The following ADAM22 variants were observed in gnomAD, a reference collection of about 807,000 sequenced individuals.
ADAM22 encodes the protein ADAM metallopeptidase domain 22.
In ADAM22, 65 loss-of-function variants were observed where a neutral mutation model predicts 144.6. The ratio of observed to expected loss-of-function variants is 0.45; its 90% confidence interval spans 0.37 to 0.55. The LOEUF (loss-of-function observed/expected upper bound fraction) is 0.55. Among genes scored for constraint, ADAM22 ranks in the 20% least tolerant of loss-of-function variants. The pLI, the probability that ADAM22 is intolerant of heterozygous loss-of-function variation, is 0.00. For synonymous variants in ADAM22, 391 were observed against 412.6 expected (o/e 0.95, Z 0.63); for missense variants, 974 against 1,184.9 (o/e 0.82, Z 2.61).
Position 87,982,701 on chromosome 7 carries a change from T to TATATATATATAAAA in ADAM22, c.323+4289_323+4290insATATATATATAAAA, listed in dbSNP as rs1554373733. On this transcript the variant is annotated intron_variant, in intron 3 of 31. Coordinates refer to ENST00000413139, the MANE Select transcript of ADAM22 (RefSeq NM_001324418.2). Reference sequence around the variant, plus strand: ...TATATATATATATATATATATATAATTTTTTTTTTTGAGATACAGTTTTGC... The same window carrying TATATATATATAAAA: ...TATATATATATATATATATATATAATATATATATATAAAATTTTTTTTTTGAGATACAGTTTTGC... Among the ~76,000 whole-genome samples the TATATATATATAAAA allele has an allele frequency of 1.4e-3, 47 of 33,778 alleles. 2 individuals carry two copies. Among genetic ancestry groups the TATATATATATAAAA allele is most frequent in the African/African-American group, 6.0e-3 (46 of 7,686 alleles). The allele number at this position is 33,778 out of a possible 152,430, so 22.2% of individuals were successfully genotyped here.
chr7:88,163,221 T>C lies in ADAM22; in HGVS notation c.2076+41T>C, dbSNP rs201009846. On this transcript the variant is annotated intron_variant, in intron 23 of 31. Coordinates refer to ENST00000413139, the MANE Select transcript of ADAM22 (RefSeq NM_001324418.2). ...CTTGTCAGAATCTATTTCTTTTATATCACAGAAATAGACAGGACCCTAAAC... is the reference window on the plus strand; with the variant it reads ...CTTGTCAGAATCTATTTCTTTTATACCACAGAAATAGACAGGACCCTAAAC... 3.0e-4 allele frequency: 451 copies of C among 1,514,182 alleles called. 1 individual carries two copies. The highest frequency in any genetic ancestry group is 1.3e-3 in the Middle Eastern group (7 of 5,516). The allele number at this position is 1,514,182 out of a possible 1,614,324, so 93.8% of individuals were successfully genotyped here. A position where few individuals can be genotyped will look rare whatever the true frequency, so the allele number is the denominator to read the frequency against.
chr7:88,053,054 G>C (rs1806948694), intron 3 of ADAM22, among the ~76,000 whole-genome samples: 1 of 152,030 alleles, frequency 6.6e-6, no homozygotes, highest in African/African-American at 2.4e-5. Context: ...CAGTTATCCA[G>C]TTCCCCCTTT....
intron 3 of ADAM22, among the ~76,000 whole-genome samples, chr7:87,993,001 G>C (rs1790261007): frequency 6.6e-6 from 1 of 152,214 alleles, no homozygotes; most frequent in Non-Finnish European, 1.5e-5. Context: ...CCGCAGAACT[G>C]AGGTGAGTTC....
rs1054097660 is a variant in ADAM22 at position 87,946,405 on chromosome 7, T to A, written c.246+11219T>A. Among the ~76,000 whole-genome samples the A allele has an allele frequency of 1.3e-5, 2 of 152,214 alleles. 1 individual carries two copies. On this transcript the variant is annotated intron_variant, in intron 2 of 31. Coordinates refer to ENST00000413139, the MANE Select transcript of ADAM22 (RefSeq NM_001324418.2). Reference sequence around the variant, plus strand: ...TATGTCCTACTTGACAATTTTGTTTTTGTTGCAATTGCTTTGAGGACTCGG... The same window carrying A: ...TATGTCCTACTTGACAATTTTGTTTATGTTGCAATTGCTTTGAGGACTCGG...
At chr7:88,037,003 A>G (rs1202379998) in intron 3 of ADAM22, among the ~76,000 whole-genome samples, 4 of 152,128 alleles carry the variant, frequency 2.6e-5, no homozygotes, top group African/African-American at 9.6e-5. Flanking sequence ...CATGTATTCC[A>G]CATTCATTTA....
chr7:88,085,368 C>T (rs1475479953), intron 4 of ADAM22, among the ~76,000 whole-genome samples: 1 of 152,188 alleles, frequency 6.6e-6, no homozygotes, highest in Non-Finnish European at 1.5e-5. Flanking sequence ...TGATAAATGG[C>T]TGTACTCAGG....
At chr7:88,188,882 C>T (rs770997291) in intron 30 of ADAM22, among the ~76,000 whole-genome samples, 43 of 152,158 alleles carry the variant, frequency 2.8e-4, no homozygotes, top group Non-Finnish European at 2.1e-4. Flanking sequence ...TTTGTAGAGA[C>T]GGGATCTCAC....
Position 88,134,404 on chromosome 7 carries a change from A to G in ADAM22, c.1153A>G (p.Arg385Gly), listed in dbSNP as rs1460425805. The G allele has an allele frequency of 1.2e-6, 2 of 1,609,512 alleles. No individual in the cohort carries two copies. Among genetic ancestry groups the G allele is most frequent in the Non-Finnish European group, 1.7e-6 (2 of 1,177,958 alleles). ...AHNIGIISDKRKLASGECKCE... is the reference protein window; with the variant it reads ...AHNIGIISDKGKLASGECKCE... ...TAATATTGGTATTATCTCAGACAAA[A>G]GAAAGTTAGCAAGTGGTAAGTTTTA... Residue 385 changes from arginine to glycine, a missense_variant, in exon 13 of 32, where the codon AGA becomes GGA. Transcript: ENST00000413139.
chr7:87,953,710 T>C (rs1845839303), intron 2 of ADAM22, among the ~76,000 whole-genome samples: 1 of 151,990 alleles, frequency 6.6e-6, no homozygotes, highest in African/African-American at 2.4e-5. Flanking sequence ...TAAATTTCTG[T>C]CTCGTTGATC....
chr7:87,938,170 T>A (rs10952901), intron 2 of ADAM22, among the ~76,000 whole-genome samples: 38,350 of 150,294 alleles, frequency 0.26, 6,618 homozygotes, highest in African/African-American at 0.48. Context: ...ACTTAAATAG[T>A]TCTAATTTAT....
intron 3 of ADAM22, among the ~76,000 whole-genome samples, chr7:87,992,362 CCACTAACAAAGGTGTTAATGACTG>C (rs1252457951): frequency 6.6e-6 from 1 of 152,086 alleles, no homozygotes; most frequent in Non-Finnish European, 1.5e-5. Flanking sequence ...GTTGGTGACT[CCACTAACAAAGGTGTTAATGACTG>C]CACTAACAAA....
intron 4 of ADAM22, among the ~76,000 whole-genome samples, chr7:88,098,854 C>T (rs1283914149): frequency 6.6e-6 from 1 of 151,958 alleles, no homozygotes; most frequent in African/African-American, 2.4e-5. Context: ...CCATAATATG[C>T]CTAATCCTTT....
chr7:88,152,032 G>T (rs1293168235), intron 20 of ADAM22, among the ~76,000 whole-genome samples: 3 of 152,128 alleles, frequency 2.0e-5, no homozygotes, highest in African/African-American at 7.2e-5. Context: ...TAGGAAAAAG[G>T]CTATAAAAAT....
chr7:87,973,182 A>C (rs1470045700), intron 2 of ADAM22, among the ~76,000 whole-genome samples: 3 of 152,238 alleles, frequency 2.0e-5, no homozygotes, highest in African/African-American at 7.2e-5. Context: ...AAATTTTTGC[A>C]ACCTACTTAT....
Position 88,075,635 on chromosome 7 carries a change from G to A in ADAM22, c.333G>A (p.Leu111=), listed in dbSNP as rs1232550078. 1 of 1,613,570 alleles carries A rather than the reference G, an allele frequency of 6.2e-7. No individual in the cohort carries two copies. Among genetic ancestry groups the A allele is most frequent in the East Asian group, 2.2e-5 (1 of 44,822 alleles). The change falls in exon 4 of 32, where the codon CTG becomes CTA. Residue 111 remains leucine, a synonymous_variant. Transcript: ENST00000413139. ...ATTTTTGTTGTTGCAGTGATTTGCT[G>A]TCCTCTGAATACATAGAGAGACACA... ...ILDVVLNHDL[L]SSEYIERHIE... is the part of the protein sequence containing the mutation.
Position 88,201,035 on chromosome 7 carries a change from C to G in ADAM22, c.*4544C>G, listed in dbSNP as rs866550688. On this transcript the variant is annotated 3_prime_UTR_variant, in exon 32 of 32. Transcript: ENST00000413139. The stretch of plus-strand genomic sequence containing the variant: ...TAGCATATGCTCTGTGGGGGAGGTG[C>G]TTTTAATTCCAAGAGGAGCTTTTCT... 1 of 152,310 alleles carries G rather than the reference C, an allele frequency of 6.6e-6. No individual in the cohort carries two copies. The highest frequency in any genetic ancestry group is 2.1e-4 in the South Asian group (1 of 4,816). 9.4% of individuals were successfully genotyped at this position (152,310 alleles called of 1,614,324 possible).
intron 3 of ADAM22, among the ~76,000 whole-genome samples, chr7:87,998,313 A>G (rs768729781): frequency 2.6e-5 from 4 of 152,176 alleles, no homozygotes; most frequent in Non-Finnish European, 5.9e-5. Flanking sequence ...CTTCAATCCA[A>G]TCAAGTTGAC....
Position 88,196,607 on chromosome 7 carries a change from G to T in ADAM22, c.*116G>T. The T allele has an allele frequency of 8.6e-7, 1 of 1,159,030 alleles. No homozygotes were observed. The highest frequency in any genetic ancestry group is 1.2e-5 in the South Asian group (1 of 80,566). The allele number at this position is 1,159,030 out of a possible 1,614,324, so 71.8% of individuals were successfully genotyped here. ...TCTTCAGACAATACGAAGACCCTCT[G>T]AGATGCTACAGAGGAGAGGAAGCGG... On this transcript the variant is annotated 3_prime_UTR_variant, in exon 32 of 32. Coordinates refer to ENST00000413139, the MANE Select transcript of ADAM22 (RefSeq NM_001324418.2).
intron 3 of ADAM22, among the ~76,000 whole-genome samples, chr7:88,052,832 C>CT (rs924863997): frequency 1.3e-5 from 2 of 152,142 alleles, no homozygotes; most frequent in African/African-American, 4.8e-5. Context: ...ACTTTCAGGC[C>CT]TTTTTCACTA....
Sources: gnomAD v4.1 joint callset for allele counts (sites outside exome capture counted in the v4.1 genomes callset) on GRCh38, gnomAD v4.1.1 for gene constraint, MANE v1.5 for transcripts, NCBI Gene and HGNC (gene_info 2026-07-23, HGNC 2026-07-21) for gene names.